Variants in LINGO2 observed in about 807,000 individuals in gnomAD.
The protein encoded by LINGO2 is leucine rich repeat and Ig domain containing 2.
LINGO2 carries 14 observed loss-of-function variants against 30.6 expected under a neutral mutation model. That is an observed-to-expected ratio of 0.46 (90% CI 0.30 to 0.72). The LOEUF is 0.72. LINGO2 is among the 30% of genes least tolerant of loss of function. The pLI is 0.07. For synonymous variants in LINGO2, 317 were observed against 288.5 expected, an observed-to-expected ratio of 1.10 and a Z score of -1.00; for missense variants, 729 against 751.7, an observed-to-expected ratio of 0.97 and a Z score of 0.35.
At chr9:28,559,618 T>C (rs970275236) in intron 1 of LINGO2, among the ~76,000 whole-genome samples, 2 of 152,144 alleles carry the variant, frequency 1.3e-5, no homozygotes, top group Admixed American at 1.3e-4. Flanking sequence ...GCTTTTATTA[T>C]TTTCTTTCAA....
At chr9:29,019,817 C>G in the LINGO2 span, among the ~76,000 whole-genome samples, 3 of 152,162 alleles carry the variant, frequency 2.0e-5, no homozygotes, top group South Asian at 6.2e-4. Flanking sequence ...TATCAGATAT[C>G]TTTCTATTCC....
At chr9:28,490,404 G>A (rs1826349325) in intron 1 of LINGO2, among the ~76,000 whole-genome samples, 1 of 152,274 alleles carries the variant, frequency 6.6e-6, no homozygotes, top group East Asian at 1.9e-4. Flanking sequence ...AAGTCTGATT[G>A]AGTAAACTTG....
chr9:28,092,764 T>C (rs758573980), intron 4 of LINGO2, among the ~76,000 whole-genome samples: 3 of 151,920 alleles, frequency 2.0e-5, no homozygotes, highest in Non-Finnish European at 4.4e-5. Flanking sequence ...GTTTTCACTA[T>C]CCAAAACCAA....
intron 5 of LINGO2, among the ~76,000 whole-genome samples, chr9:27,958,250 G>A (rs1819674200): frequency 6.6e-6 from 1 of 152,110 alleles, no homozygotes; most frequent in South Asian, 2.1e-4. Context: ...AAGTAATACT[G>A]ATTAATTTTT....
chr9:28,878,532 C>G, the LINGO2 span, among the ~76,000 whole-genome samples: 2 of 152,120 alleles, frequency 1.3e-5, no homozygotes, highest in East Asian at 3.9e-4. Context: ...AGAGACACAA[C>G]CAAAAAAGAG....
the LINGO2 span, among the ~76,000 whole-genome samples, chr9:29,015,209 C>T: frequency 6.6e-6 from 1 of 152,268 alleles, no homozygotes; most frequent in East Asian, 1.9e-4. Flanking sequence ...ATGTATGCTA[C>T]TTGGGTGATG....
chr9:28,716,126 G>T, the LINGO2 span, among the ~76,000 whole-genome samples: 4 of 150,684 alleles, frequency 2.7e-5, no homozygotes, highest in Non-Finnish European at 4.4e-5. Context: ...TCCTGTTTCT[G>T]TACACTTAAA....
chr9:28,703,615 T>A, the LINGO2 span, among the ~76,000 whole-genome samples: 4 of 151,900 alleles, frequency 2.6e-5, no homozygotes, highest in Non-Finnish European at 5.9e-5. Flanking sequence ...AAGTGATTAA[T>A]TAATGGTACC....
At chr9:28,421,277 T>TA (rs1823184799) in intron 2 of LINGO2, among the ~76,000 whole-genome samples, 1 of 150,982 alleles carries the variant, frequency 6.6e-6, no homozygotes, top group African/African-American at 2.4e-5. Flanking sequence ...CTGAAAAAAA[T>TA]AAAAAAGGAC....
intron 4 of LINGO2, among the ~76,000 whole-genome samples, chr9:28,061,810 A>G (rs2383760): frequency 0.93 from 142,114 of 152,108 alleles, 66,706 homozygotes; most frequent in Non-Finnish European, 0.98. Flanking sequence ...CATACTGCCT[A>G]AATTTTAATC....
the LINGO2 span, among the ~76,000 whole-genome samples, chr9:29,015,224 C>G: frequency 1.3e-5 from 2 of 152,118 alleles, no homozygotes; most frequent in South Asian, 4.2e-4. Context: ...GTGATGGATA[C>G]CCTAAATGAC....
At chr9:28,336,665 T>C (rs1156309243) in intron 3 of LINGO2, among the ~76,000 whole-genome samples, 1 of 152,148 alleles carries the variant, frequency 6.6e-6, no homozygotes, top group African/African-American at 2.4e-5. Context: ...TTAAAGAGAT[T>C]CTTCTTCCAT....
the LINGO2 span, among the ~76,000 whole-genome samples, chr9:29,081,836 A>C: frequency 1.3e-5 from 2 of 151,884 alleles, no homozygotes; most frequent in African/African-American, 4.8e-5. Flanking sequence ...CAATTGCTTC[A>C]AAGCAAATAA....
intron 5 of LINGO2, among the ~76,000 whole-genome samples, chr9:27,984,694 A>G (rs1821041513): frequency 6.6e-6 from 1 of 151,830 alleles, no homozygotes; most frequent in African/African-American, 2.4e-5. Flanking sequence ...CTGGCTCTTG[A>G]TCTTTAGAAT....
the LINGO2 span, among the ~76,000 whole-genome samples, chr9:29,212,613 C>G: frequency 6.6e-6 from 1 of 151,396 alleles, no homozygotes; most frequent in Non-Finnish European, 1.5e-5. Context: ...AAAAAAAAAC[C>G]TCTCTGGTAA....
chr9:28,577,273 A>T (rs1824034948), intron 1 of LINGO2, among the ~76,000 whole-genome samples: 1 of 152,132 alleles, frequency 6.6e-6, no homozygotes, highest in African/African-American at 2.4e-5. Context: ...ACTATTATAG[A>T]ATCTAAGATT....
chr9:28,623,329 A>G (rs993846138), intron 1 of LINGO2, among the ~76,000 whole-genome samples: 4 of 152,038 alleles, frequency 2.6e-5, no homozygotes, highest in Non-Finnish European at 5.9e-5. Context: ...TTTGAGAACT[A>G]AAATATAAGG....
At chr9:28,918,898 T>C in the LINGO2 span, among the ~76,000 whole-genome samples, 2 of 152,186 alleles carry the variant, frequency 1.3e-5, no homozygotes, top group African/African-American at 4.8e-5. Flanking sequence ...TAGCTCATTG[T>C]ATGGATTCAA....
chr9:27,971,239 A>G (rs1433070215), intron 5 of LINGO2, among the ~76,000 whole-genome samples: 1 of 148,394 alleles, frequency 6.7e-6, no homozygotes, highest in Non-Finnish European at 1.5e-5. Context: ...TACTGTTTCC[A>G]TCTTTCCTTC....
Sources: gnomAD v4.1 joint callset for allele counts (sites outside exome capture counted in the v4.1 genomes callset) on GRCh38, gnomAD v4.1.1 for gene constraint, MANE v1.5 for transcripts, NCBI Gene and HGNC (gene_info 2026-07-23, HGNC 2026-07-21) for gene names.